EYS: variants seen among roughly 807,000 people sequenced by gnomAD.
EYS encodes the protein EGF-like photoreceptor maintenance factor, also known as protein eyes shut homolog.
A neutral mutation model predicts 282.1 loss-of-function variants in EYS; 250 were observed. The observed-to-expected ratio is 0.89, with a 90% CI of 0.80 to 0.98. The LOEUF (loss-of-function observed/expected upper bound fraction) is 0.98, where lower values mean the gene tolerates loss of function less well. EYS is among the 50% of genes least tolerant of loss of function. The pLI, the probability that EYS is intolerant of heterozygous loss-of-function variation, is 0.00. For synonymous variants in EYS, 1,355 were observed against 1,282.9 expected (o/e 1.06, Z -1.20); for missense variants, 4,016 against 3,709.0 (o/e 1.08, Z -2.15).
Position 64,661,095 on chromosome 6 carries a change from C to A in EYS, c.3444-34850G>T, listed in dbSNP as rs1412554593. On this transcript the variant is annotated intron_variant, in intron 22 of 42. Transcript: ENST00000503581. ...AGAAATAATGCCACATATCTACAAC[C>A]ATCTGATCTTTGACAAACCTGACAA... 3.9e-5 allele frequency among the ~76,000 whole-genome samples: 6 copies of A among 152,116 alleles called. No homozygotes were observed. The East Asian group carries it at 9.6e-4, about 24-fold the overall frequency.
intron 13 of EYS, among the ~76,000 whole-genome samples, chr6:65,011,440 C>T (rs969806833): frequency 6.6e-5 from 10 of 152,304 alleles, no homozygotes; most frequent in African/African-American, 9.6e-5. Flanking sequence ...GCCCCAAATG[C>T]AGTCCATGAC....
chr6:64,481,898 A>G (rs1254940083), intron 26 of EYS, among the ~76,000 whole-genome samples: 1 of 151,722 alleles, frequency 6.6e-6, no homozygotes, highest in Non-Finnish European at 1.5e-5. Flanking sequence ...AGTGTGATTT[A>G]ATGTTTTATT....
intron 26 of EYS, among the ~76,000 whole-genome samples, chr6:64,589,654 A>T (rs1282917635): frequency 2.6e-5 from 4 of 152,092 alleles, no homozygotes; most frequent in Non-Finnish European, 5.9e-5. Context: ...CACAGATATT[A>T]TCTCCTTCAA....
chr6:65,286,180 T>G (rs1488740911), intron 12 of EYS, among the ~76,000 whole-genome samples: 1 of 151,928 alleles, frequency 6.6e-6, no homozygotes, highest in African/African-American at 2.4e-5. Context: ...TTTACTCTCA[T>G]TTAGTTATTT....
At chr6:64,388,483 A>T (rs568202326) in intron 29 of EYS, among the ~76,000 whole-genome samples, 159 of 152,300 alleles carry the variant, frequency 1.0e-3, no homozygotes, top group African/African-American at 3.8e-3. Context: ...GCAATTTTTT[A>T]AAAAGAACAG....
chr6:64,248,215 G>A (rs886844255), intron 30 of EYS, among the ~76,000 whole-genome samples: 36 of 140,262 alleles, frequency 2.6e-4, no homozygotes, highest in African/African-American at 9.1e-4. Flanking sequence ...GTGTGTGTGT[G>A]TGTGTATAGG....
At chr6:64,613,132 A>C (rs1249417454) in intron 24 of EYS, among the ~76,000 whole-genome samples, 2 of 152,126 alleles carry the variant, frequency 1.3e-5, no homozygotes, top group Non-Finnish European at 2.9e-5. Flanking sequence ...TAGTTAGAGT[A>C]CACATGCAAG....
intron 22 of EYS, among the ~76,000 whole-genome samples, chr6:64,785,284 A>G (rs912198138): frequency 6.6e-6 from 1 of 151,978 alleles, no homozygotes; most frequent in Non-Finnish European, 1.5e-5. Context: ...TTTTCCTTAC[A>G]TGTTTTATCT....
chr6:63,777,932 T>C, intron 40 of EYS, 74 bp downstream of exon 40: 21 of 1,313,508 alleles, frequency 1.6e-5, no homozygotes, highest in South Asian at 2.6e-5. Context: ...TTTGTACAAG[T>C]GGAATGACAG....
intron 12 of EYS, among the ~76,000 whole-genome samples, chr6:65,199,500 C>G (rs1247852028): frequency 6.6e-6 from 1 of 152,056 alleles, no homozygotes; most frequent in Non-Finnish European, 1.5e-5. Flanking sequence ...CCCAAACTGA[C>G]CGAGGTCTCA....
chr6:63,866,538 T>G (rs985425043), intron 35 of EYS, among the ~76,000 whole-genome samples: 6 of 152,196 alleles, frequency 3.9e-5, no homozygotes, highest in African/African-American at 1.4e-4. Flanking sequence ...GATTTTATGG[T>G]GAAAACCAAG....
At chr6:64,171,658 C>A (rs192267389) in intron 31 of EYS, among the ~76,000 whole-genome samples, 34 of 152,202 alleles carry the variant, frequency 2.2e-4, no homozygotes, top group African/African-American at 7.0e-4. Flanking sequence ...ACAAAATACC[C>A]AGCTCAAACT....
chr6:64,534,993 A>G (rs1266685293), intron 26 of EYS, among the ~76,000 whole-genome samples: 2 of 152,132 alleles, frequency 1.3e-5, no homozygotes, highest in African/African-American at 2.4e-5. Flanking sequence ...TTTTGGGTGT[A>G]TCTACTAAAC....
chr6:65,318,366 T>C (rs1417214733), intron 11 of EYS, among the ~76,000 whole-genome samples: 1 of 151,136 alleles, frequency 6.6e-6, no homozygotes, highest in African/African-American at 2.4e-5. Flanking sequence ...AAGTCTAATC[T>C]TAGAAATGAC....
chr6:64,802,720 T>C (rs574281374), intron 22 of EYS, among the ~76,000 whole-genome samples: 2 of 152,140 alleles, frequency 1.3e-5, no homozygotes, highest in Non-Finnish European at 2.9e-5. Context: ...TATCTCAAGA[T>C]GAAGTTTACC....
intron 22 of EYS, among the ~76,000 whole-genome samples, chr6:64,647,796 C>A (rs1357705860): frequency 2.0e-5 from 3 of 152,026 alleles, no homozygotes; most frequent in African/African-American, 7.2e-5. Context: ...TCTTTATTGG[C>A]AAAATTGTTC....
intron 7 of EYS, among the ~76,000 whole-genome samples, chr6:65,389,360 C>T (rs1765922827): frequency 6.6e-6 from 1 of 152,100 alleles, no homozygotes; most frequent in Non-Finnish European, 1.5e-5. Context: ...CTGAATAGGC[C>T]AAGGATTTTG....
chr6:64,975,734 G>T (rs1225851930), intron 14 of EYS, among the ~76,000 whole-genome samples: 1 of 151,558 alleles, frequency 6.6e-6, no homozygotes, highest in Non-Finnish European at 1.5e-5. Flanking sequence ...CCCTTCTTTT[G>T]ATTTTTATAA....
intron 30 of EYS, among the ~76,000 whole-genome samples, chr6:64,270,806 C>T (rs572238714): frequency 1.3e-5 from 2 of 152,242 alleles, no homozygotes; most frequent in Admixed American, 6.5e-5. Context: ...CAAAGCATTC[C>T]CTATTTTTGA....
Sources: allele counts gnomAD v4.1 joint callset (sites outside exome capture counted in the v4.1 genomes callset), GRCh38; gene constraint gnomAD v4.1.1; transcripts MANE v1.5; gene names NCBI Gene and HGNC (gene_info 2026-07-23, HGNC 2026-07-21).